PRKDC: variants seen among roughly 807,000 people sequenced by gnomAD.
PRKDC encodes protein kinase, DNA-activated, catalytic subunit, also known as DNA-dependent protein kinase catalytic subunit.
Under a neutral mutation model 486.9 loss-of-function variants are expected in PRKDC, and 82 were observed. That is an observed-to-expected ratio of 0.17 (90% CI 0.14 to 0.20). PRKDC has a LOEUF of 0.20. Among genes scored for constraint, PRKDC ranks in the 10% least tolerant of loss-of-function variants. PRKDC has a pLI of 1.00. For synonymous variants in PRKDC, 1,895 were observed against 1,837.0 expected (o/e 1.03, Z -0.81); for missense variants, 4,504 against 5,038.2 (o/e 0.89, Z 3.21).
Position 47,888,550 on chromosome 8 carries a change from C to T in PRKDC, c.4381G>A (p.Ala1461Thr), listed in dbSNP as rs767834484. 2 of 1,578,056 alleles carry T rather than the reference C, an allele frequency of 1.3e-6. No homozygotes were observed. The highest frequency in any genetic ancestry group is 2.3e-5 in the South Asian group (2 of 85,884). The change falls in exon 34 of 86, where the codon GCT (alanine) becomes ACT (threonine). Residue 1461 changes from alanine to threonine, a missense_variant. Coordinates refer to ENST00000314191, the MANE Select transcript of PRKDC (RefSeq NM_006904.7). Reference protein sequence around the residue: ...VVSACKQLHRAGLLHNILPSQ... With the variant: ...VVSACKQLHRTGLLHNILPSQ... ...GGTAATATATTATGCAGAAGCCCAG[C>T]TCTGTGAAGCTGTTTACAGGCAGAC...
At chr8:47,936,843 T>C (rs1217552080) in intron 11 of PRKDC, among the ~76,000 whole-genome samples, 3 of 147,356 alleles carry the variant, frequency 2.0e-5, no homozygotes, top group East Asian at 2.2e-4. Context: ...CAGGCTGGTC[T>C]CAAACTCCCG....
At chr8:47,790,345 C>T (rs1046606776) in intron 74 of PRKDC, among the ~76,000 whole-genome samples, 4 of 152,186 alleles carry the variant, frequency 2.6e-5, no homozygotes, top group South Asian at 2.1e-4. Context: ...GAATAAACTT[C>T]GCCAAAGAAA....
At position 47,834,981 on chromosome 8, in the gene PRKDC, C is replaced by T. The variant is rs937136397; in HGVS notation, c.7952-585G>A. On this transcript the variant is annotated intron_variant, in intron 58 of 85. Transcript: ENST00000314191. ...CTGGGATTACAGGCGTGAGCCACAG[C>T]GCCCGGCCCCCTGACTTCTAATATT... is the stretch of plus-strand genomic sequence containing the variant. 3.9e-5 allele frequency among the ~76,000 whole-genome samples: 6 copies of T among 152,220 alleles called. No homozygotes were observed. The South Asian group carries it at 8.3e-4, about 21-fold the overall frequency.
At chr8:47,783,603 G>A in intron 78 of PRKDC, 139 bp downstream of exon 78, 1 of 821,502 alleles carries the variant, frequency 1.2e-6, no homozygotes. Context: ...AAAAAAAAGA[G>A]GAATTCAGTA....
intron 7 of PRKDC, among the ~76,000 whole-genome samples, chr8:47,944,461 C>A: frequency 6.8e-6 from 1 of 147,490 alleles, no homozygotes; most frequent in Admixed American, 6.8e-5. Context: ...TTATTCAACA[C>A]CTAGTACATG....
At chr8:47,817,739 C>T (rs1253102482) in intron 67 of PRKDC, among the ~76,000 whole-genome samples, 178 bp from the exon 68 acceptor site, 1 of 152,184 alleles carries the variant, frequency 6.6e-6, no homozygotes, top group Non-Finnish European at 1.5e-5. Context: ...GACATTTAAA[C>T]TCAATTGCTT....
chr8:47,828,432 C>T, intron 61 of PRKDC, 85 bp from the exon 62 acceptor site: 3 of 1,074,660 alleles, frequency 2.8e-6, no homozygotes, highest in Non-Finnish European at 4.0e-6. Context: ...TTGGAAAATA[C>T]AAACTGTTGC....
At chr8:47,912,698 T>A (rs569940020) in intron 24 of PRKDC, 136 bp from the exon 25 acceptor site, 4 of 687,634 alleles carry the variant, frequency 5.8e-6, no homozygotes, top group Non-Finnish European at 8.7e-6. Flanking sequence ...AAATATAAAT[T>A]AACTGGAATT....
At chr8:47,894,689 G>A (rs117388532) in intron 30 of PRKDC, among the ~76,000 whole-genome samples, 4 of 152,250 alleles carry the variant, frequency 2.6e-5, no homozygotes, top group East Asian at 1.9e-4. Context: ...TGCACCTGTC[G>A]TCAAGCCCTA....
Position 47,933,090 on chromosome 8 carries a change from A to G in PRKDC, c.1706T>C (p.Val569Ala). 1 of 1,587,204 alleles carries G rather than the reference A, an allele frequency of 6.3e-7. No homozygotes were observed. ...SLNHLLYDEF[V>A]KSVLKIVEKL... ...CTCAACAATCTTCAAAACGGATTTT[A>G]CAAATTCATCATAAAGTAAATGATT... is the stretch of plus-strand genomic sequence containing the variant. The change falls in exon 16 of 86, where the codon GTA (valine) becomes GCA (alanine). Residue 569 changes from valine to alanine, a missense_variant. By Grantham distance (64) the Val-to-Ala change is moderately conservative (BLOSUM62 0). Coordinates refer to ENST00000314191, the MANE Select transcript of PRKDC (RefSeq NM_006904.7).
At chr8:47,952,904 C>T (rs1333386390) in intron 7 of PRKDC, among the ~76,000 whole-genome samples, 1 of 151,782 alleles carries the variant, frequency 6.6e-6, no homozygotes, top group African/African-American at 2.4e-5. Context: ...CTTTGGGAGG[C>T]CAAGGCAGGC....
chr8:47,854,379 C>T (rs2088484889), intron 50 of PRKDC, among the ~76,000 whole-genome samples, 165 bp from the exon 51 acceptor site: 1 of 152,090 alleles, frequency 6.6e-6, no homozygotes, highest in Non-Finnish European at 1.5e-5. Flanking sequence ...GCTTTGTCGC[C>T]CAGGCTGGAG....
At chr8:47,926,948 T>C (rs940764643) in intron 21 of PRKDC, 1 of 418,338 alleles carries the variant, frequency 2.4e-6, no homozygotes, top group African/African-American at 2.1e-5. Context: ...AGTACTTGTC[T>C]TTGAAGATTT....
At chr8:47,863,772 T>C (rs946218255) in intron 41 of PRKDC, among the ~76,000 whole-genome samples, 195 bp from the exon 42 acceptor site, 5 of 152,218 alleles carry the variant, frequency 3.3e-5, no homozygotes, top group African/African-American at 4.8e-5. Flanking sequence ...TATGTTACAC[T>C]GGTGAAGCAG....
Position 47,960,076 on chromosome 8 carries a change from C to T in PRKDC, c.51G>A (p.Glu17=). Reference sequence around the variant, plus strand: ...CGCAGCGGTCCGCAGCGGACAAGGTCTCCTGCAGCCGCAGCAGGGAGCAAC... The same window carrying T: ...CGCAGCGGTCCGCAGCGGACAAGGTTTCCTGCAGCCGCAGCAGGGAGCAAC... ...GVRCSLLRLQ[E]TLSAADRCGA... The change falls in exon 1 of 86, where the codon GAG becomes GAA. Residue 17 remains glutamate, a synonymous_variant. Transcript: ENST00000314191. The T allele has an allele frequency of 6.5e-7, 1 of 1,530,486 alleles. No homozygotes were observed. The highest frequency in any genetic ancestry group is 1.2e-5 in the South Asian group (1 of 83,752). 94.8% of individuals were successfully genotyped at this position (1,530,486 alleles called of 1,614,324 possible).
At chr8:47,928,954 T>C in intron 19 of PRKDC, 138 bp downstream of exon 19, 2 of 671,278 alleles carry the variant, frequency 3.0e-6, no homozygotes, top group Non-Finnish European at 2.5e-6. Flanking sequence ...CCTCCCAAAG[T>C]GCTGGGATTA....
intron 28 of PRKDC, 45 bp from the exon 29 acceptor site, chr8:47,898,614 G>T: frequency 8.8e-7 from 1 of 1,133,766 alleles, no homozygotes; most frequent in Non-Finnish European, 1.1e-6. Flanking sequence ...GGCATATATA[G>T]CTGATTATTA....
At chr8:47,930,186 T>C (rs181109890) in intron 17 of PRKDC, among the ~76,000 whole-genome samples, 174 bp from the exon 18 acceptor site, 16 of 152,364 alleles carry the variant, frequency 1.1e-4, no homozygotes, top group African/African-American at 3.8e-4. Flanking sequence ...ATCTTTTAAA[T>C]ATAAAAAATG....
chr8:47,862,683 G>A, intron 42 of PRKDC, 142 bp from the exon 43 acceptor site: 1 of 698,330 alleles, frequency 1.4e-6, no homozygotes, highest in Non-Finnish European at 2.2e-6. Flanking sequence ...TTAGGCACTG[G>A]GAATATGAAA....
Sources: gnomAD v4.1 joint callset for allele counts (sites outside exome capture counted in the v4.1 genomes callset) on GRCh38, gnomAD v4.1.1 for gene constraint, MANE v1.5 for transcripts, NCBI Gene and HGNC (gene_info 2026-07-23, HGNC 2026-07-21) for gene names.